Variants in COL18A1 observed in about 807,000 individuals in gnomAD.
COL18A1 encodes the protein collagen alpha-1(XVIII) chain.
A neutral mutation model predicts 168.0 loss-of-function variants in COL18A1; 133 were observed. The ratio of observed to expected loss-of-function variants is 0.79; its 90% CI spans 0.69 to 0.91. The LOEUF (loss-of-function observed/expected upper bound fraction) is 0.91. COL18A1 is among the 40% of genes least tolerant of loss of function. The pLI is 0.00. For missense variants in COL18A1, 2,126 were observed against 1,925.4 expected (o/e 1.10, Z -1.95); for synonymous variants, 949 against 809.0 (o/e 1.17, Z -2.94).
chr21:45,492,095 G>A lies in COL18A1; in HGVS notation c.2158-440G>A, dbSNP rs139295025. 5.3e-3 allele frequency among the ~76,000 whole-genome samples: 801 copies of A among 152,324 alleles called. 3 individuals carry two copies. Among genetic ancestry groups the A allele is most frequent in the Non-Finnish European group, 8.2e-3 (560 of 68,008 alleles). Reference sequence around the variant, plus strand: ...TAACAGTCTTGAGAGGAGGGGTGGAGTTGGGAACAGGCAGGAGAGGGCTTG... The same window carrying A: ...TAACAGTCTTGAGAGGAGGGGTGGAATTGGGAACAGGCAGGAGAGGGCTTG... On this transcript the variant is annotated intron_variant, in intron 22 of 41. Coordinates refer to ENST00000651438, the MANE Select transcript of COL18A1 (RefSeq NM_001379500.1).
intron 32 of COL18A1, chr21:45,502,860 C>G (rs1299219814): frequency 6.6e-6 from 1 of 152,204 alleles, no homozygotes; most frequent in African/African-American, 2.4e-5. Flanking sequence ...CTCAGCACGT[C>G]TCCCACGTAA....
intron 2 of COL18A1, among the ~76,000 whole-genome samples, chr21:45,432,509 C>A (rs1002568038): frequency 6.6e-6 from 1 of 152,238 alleles, no homozygotes; most frequent in Non-Finnish European, 1.5e-5. Flanking sequence ...CTATGCAGGC[C>A]CTGCTGGGAG....
rs1227083519 is a variant in COL18A1 at position 45,438,149 on chromosome 21, GAC to G, written c.107-30089_107-30088del. 1.5e-3 allele frequency among the ~76,000 whole-genome samples: 69 copies of G among 46,792 alleles called. 1 individual carries two copies. The highest frequency in any genetic ancestry group is 6.6e-3 in the African/African-American group (59 of 8,974). 30.7% of individuals were successfully genotyped at this position (46,792 alleles called of 152,430 possible). A position where few individuals can be genotyped will look rare whatever the true frequency, so the allele number is the denominator to read the frequency against. ...TCTCCTGCACACACACACTCACTCA[GAC>G]ACAGGCACTCTCCTGCATACACACA... is the stretch of plus-strand genomic sequence containing the variant. On this transcript the variant is annotated intron_variant, in intron 2 of 41. Transcript: ENST00000651438.
rs2034422535 is a variant in COL18A1, at chr21:45,443,057, C to CGGTGGTGGTGCTGGTGTG, written c.107-25174_107-25157dup. 1.1e-5 allele frequency among the ~76,000 whole-genome samples: 1 copy of CGGTGGTGGTGCTGGTGTG among 93,354 alleles called. No individual in the cohort carries two copies. Among genetic ancestry groups the CGGTGGTGGTGCTGGTGTG allele is most frequent in the Non-Finnish European group, 2.1e-5 (1 of 47,090 alleles). The allele number at this position is 93,354 out of a possible 152,430, so 61.2% of individuals were successfully genotyped here. On this transcript the variant is annotated intron_variant, in intron 2 of 41. Transcript: ENST00000651438. The surrounding 1 kb of genome is among the most constrained non-coding windows in gnomAD (Gnocchi z 5.2). The stretch of plus-strand genomic sequence containing the variant: ...ATGTGGGCGGCGGTGCTGGTGTGGG[C>CGGTGGTGGTGCTGGTGTG]GGTGGTGGTGCTGGTGTGGGTGGTG...
In COL18A1 at chr21:45,511,982, C is replaced by T. The variant is rs373716453; in HGVS notation, c.3810-206C>T. Among the ~76,000 whole-genome samples, 324 of 152,254 alleles carry T rather than the reference C, an allele frequency of 2.1e-3. 4 individuals carry two copies. Among genetic ancestry groups the T allele is most frequent in the African/African-American group, 7.6e-3 (317 of 41,560 alleles). On this transcript the variant is annotated intron_variant, in intron 41 of 41. Coordinates refer to ENST00000651438, the MANE Select transcript of COL18A1 (RefSeq NM_001379500.1). ...CTGCCGTGGGTGTGTCTGGCAGAAG[C>T]AGCATGGGGGGCAGTCTGGGAGATG...
At chr21:45,446,299 G>A (rs575942237) in intron 2 of COL18A1, among the ~76,000 whole-genome samples, 4 of 152,292 alleles carry the variant, frequency 2.6e-5, no homozygotes, top group South Asian at 2.1e-4. Context: ...CTGTCCTTGC[G>A]CCACTCCCAC....
rs199929202 is a variant in COL18A1 at position 45,455,709 on chromosome 21, C to T, written c.107-12533C>T. ...CTGCCTGTGCAGCCCACAGCAGATA[C>T]CACCACACACGTGACCCCCCGGAAT... On this transcript the variant is annotated intron_variant, in intron 2 of 41. Transcript: ENST00000651438. 156 of 1,613,982 alleles carry T rather than the reference C, an allele frequency of 9.7e-5. No homozygotes were observed. Among genetic ancestry groups the T allele is most frequent in the Middle Eastern group, 3.3e-4 (2 of 6,062 alleles).
intron 15 of COL18A1, among the ~76,000 whole-genome samples, chr21:45,485,526 A>T (rs2036079651): frequency 6.6e-6 from 1 of 152,146 alleles, no homozygotes; most frequent in Admixed American, 6.5e-5. Context: ...ATTTTTAAAG[A>T]CGATAAAAGG....
chr21:45,447,118 G>A (rs945862237), intron 2 of COL18A1, among the ~76,000 whole-genome samples: 1 of 151,986 alleles, frequency 6.6e-6, no homozygotes, highest in Admixed American at 6.6e-5. Flanking sequence ...TTCTAGCCAC[G>A]AAAGTTAGGC....
chr21:45,475,358 CGAGGCGAGAGGGGGCCTGGAG>C, intron 4 of COL18A1, 97 bp from the exon 5 acceptor site: 4 of 922,244 alleles, frequency 4.3e-6, no homozygotes, highest in Non-Finnish European at 6.9e-6. Flanking sequence ...GAGGGCTGGA[CGAGGCGAGAGGGGGCCTGGAG>C]GAGGCGAGAG....
chr21:45,496,896 T>C (rs564498485), intron 30 of COL18A1, among the ~76,000 whole-genome samples, 154 bp from the exon 31 acceptor site: 97 of 152,308 alleles, frequency 6.4e-4, no homozygotes, highest in Middle Eastern at 6.8e-3. Context: ...GCTCCTGCTC[T>C]CCGTACCCCT....
intron 30 of COL18A1, 103 bp downstream of exon 30, chr21:45,496,671 G>A (rs2036554828): frequency 1.3e-6 from 1 of 765,664 alleles, no homozygotes; most frequent in African/African-American, 1.7e-5. Flanking sequence ...TGCGTCTGGG[G>A]GTCCTTCTAG....
rs1295350775 is a variant in COL18A1, at chr21:45,437,357, C to T, written c.107-30885C>T. ...ACTCAGACACACAGGCACTCTCCTG[C>T]GCACACACACACACTCAGACACACA... On this transcript the variant is annotated intron_variant, in intron 2 of 41. Transcript: ENST00000651438. Among the ~76,000 whole-genome samples the T allele has an allele frequency of 5.6e-3, 216 of 38,500 alleles. 8 individuals are homozygous for T. The highest frequency in any genetic ancestry group is 0.025 in the African/African-American group (195 of 7,840). The allele number at this position is 38,500 out of a possible 152,430, so 25.3% of individuals were successfully genotyped here.
intron 37 of COL18A1, 132 bp downstream of exon 37, chr21:45,506,098 C>A: frequency 7.1e-7 from 1 of 1,408,858 alleles, no homozygotes; most frequent in Non-Finnish European, 9.9e-7. Flanking sequence ...CTTAAACTTT[C>A]AAACTTTTGG....
chr21:45,509,832 TACCTCCGCCTACAGCGGCAGCTGGGGGC>T (rs2037467523), intron 39 of COL18A1, among the ~76,000 whole-genome samples: 1 of 152,162 alleles, frequency 6.6e-6, no homozygotes, highest in African/African-American at 2.4e-5. Flanking sequence ...GGAACCGGCG[TACCTCCGCCTACAGCGGCAGCTGGGGGC>T]ACCCACGTGG....
At chr21:45,477,121 G>C (rs1180772793) in intron 6 of COL18A1, among the ~76,000 whole-genome samples, 1 of 152,152 alleles carries the variant, frequency 6.6e-6, no homozygotes, top group Non-Finnish European at 1.5e-5. Context: ...AGGCATTCTG[G>C]GGGGCCAGGG....
intron 5 of COL18A1, among the ~76,000 whole-genome samples, chr21:45,476,003 T>C (rs77268990): frequency 0.06 from 9,108 of 152,216 alleles, 757 homozygotes; most frequent in African/African-American, 0.18. Context: ...GCCGCGGGAC[T>C]GAGGCGCGGT....
At chr21:45,458,121 G>A (rs1377162367) in intron 2 of COL18A1, among the ~76,000 whole-genome samples, 2 of 146,960 alleles carry the variant, frequency 1.4e-5, no homozygotes, top group Admixed American at 6.7e-5. Context: ...AGGGAGGGAG[G>A]GAGGGCTGCA....
chr21:45,421,403 G>T (rs761292283), intron 2 of COL18A1: 2 of 534,042 alleles, frequency 3.7e-6, no homozygotes, highest in Admixed American at 1.9e-5. Flanking sequence ...TGCCTGGAGA[G>T]CCAGAGTCCG....
Sources: allele counts gnomAD v4.1 joint callset (sites outside exome capture counted in the v4.1 genomes callset), GRCh38; gene constraint gnomAD v4.1.1; non-coding constraint Gnocchi (gnomAD v3.1); transcripts MANE v1.5; gene names NCBI Gene and HGNC (gene_info 2026-07-23, HGNC 2026-07-21).